The following CDH10 variants were observed in gnomAD, a reference collection of about 807,000 sequenced individuals.
The protein encoded by CDH10 is cadherin-10.
In CDH10, 30 loss-of-function variants were observed where a neutral mutation model predicts 73.1. The observed-to-expected ratio is 0.41, with a 90% CI of 0.31 to 0.56. The LOEUF (loss-of-function observed/expected upper bound fraction) is 0.56, where lower values mean the gene tolerates loss of function less well. Among genes scored for constraint, CDH10 ranks in the 20% least tolerant of loss-of-function variants. The pLI is 0.27. For synonymous variants in CDH10, 345 were observed against 348.2 expected, an observed-to-expected ratio of 0.99 and a Z score of 0.10; for missense variants, 815 against 973.7, an observed-to-expected ratio of 0.84 and a Z score of 2.17.
intron 2 of CDH10, among the ~76,000 whole-genome samples, chr5:24,581,479 G>T (rs1314617460): frequency 2.6e-5 from 4 of 152,046 alleles, no homozygotes; most frequent in African/African-American, 9.7e-5. Context: ...ACAACTATAA[G>T]AATAATATGT....
At chr5:24,569,543 A>G (rs939925863) in intron 2 of CDH10, among the ~76,000 whole-genome samples, 12 of 152,180 alleles carry the variant, frequency 7.9e-5, no homozygotes, top group Non-Finnish European at 1.2e-4. Flanking sequence ...TTTTGAAAAT[A>G]ATTTTCATAA....
chr5:24,639,361 A>C (rs1485757019), intron 1 of CDH10, among the ~76,000 whole-genome samples: 3 of 151,714 alleles, frequency 2.0e-5, no homozygotes, highest in South Asian at 2.1e-4. Context: ...AATATTATGT[A>C]CAAAATTTAC....
chr5:24,551,861 G>T (rs1744558366), intron 2 of CDH10, among the ~76,000 whole-genome samples: 3 of 151,950 alleles, frequency 2.0e-5, no homozygotes, highest in Non-Finnish European at 4.4e-5. Context: ...AACTATTACT[G>T]ATATCTATCC....
chr5:24,555,643 A>G (rs1744738855), intron 2 of CDH10, among the ~76,000 whole-genome samples: 2 of 152,112 alleles, frequency 1.3e-5, no homozygotes, highest in African/African-American at 2.4e-5. Flanking sequence ...AGCTTAATCT[A>G]TTTACCTGGA....
chr5:24,516,726 TC>T (rs1262424390), intron 5 of CDH10, among the ~76,000 whole-genome samples: 3 of 151,970 alleles, frequency 2.0e-5, no homozygotes, highest in Non-Finnish European at 4.4e-5. Flanking sequence ...CAACATGTCT[TC>T]ATCATTCCTT....
At chr5:24,525,425 C>T (rs1350237962) in intron 5 of CDH10, among the ~76,000 whole-genome samples, 2 of 151,954 alleles carry the variant, frequency 1.3e-5, no homozygotes, top group Non-Finnish European at 2.9e-5. Flanking sequence ...CGCTATGCTG[C>T]ACGATAATCT....
intron 1 of CDH10, among the ~76,000 whole-genome samples, chr5:24,640,411 A>G (rs1373687845): frequency 2.0e-5 from 3 of 151,798 alleles, no homozygotes; most frequent in African/African-American, 7.2e-5. Context: ...CCTGTTGTGA[A>G]GCAATGTTGT....
At chr5:24,619,440 G>T (rs780121794) in intron 1 of CDH10, among the ~76,000 whole-genome samples, 9 of 151,984 alleles carry the variant, frequency 5.9e-5, no homozygotes, top group Non-Finnish European at 1.0e-4. Flanking sequence ...TGATCTGCCC[G>T]CCTCGGCCTC....
chr5:24,582,502 C>T (rs562037492), intron 2 of CDH10, among the ~76,000 whole-genome samples: 3 of 152,160 alleles, frequency 2.0e-5, no homozygotes, highest in East Asian at 3.9e-4. Flanking sequence ...TATTAATACA[C>T]CACAAAGAGG....
intron 2 of CDH10, among the ~76,000 whole-genome samples, chr5:24,558,815 A>G (rs1646123158): frequency 6.6e-6 from 1 of 151,874 alleles, no homozygotes; most frequent in African/African-American, 2.4e-5. Context: ...AGGACGTTTA[A>G]TCATAAAGTC....
chr5:24,509,725 T>C lies in CDH10; in HGVS notation c.1097A>G (p.Lys366Arg). Residue 366 changes from lysine (K) to arginine (R), a missense_variant, in exon 7 of 12, where the codon AAA (lysine) becomes AGA (arginine). Lys to Arg is a conservative substitution (Grantham distance 26). Coordinates refer to ENST00000264463, the MANE Select transcript of CDH10 (RefSeq NM_006727.5). ...DPRFYYLGPF[K>R]DTTIVKISIE... ...AGAGATTTTCACTATGGTAGTATCT[T>C]TAAATGGTCCTAGGTAATAAAAACG... 1 of 1,613,390 alleles carries C rather than the reference T, an allele frequency of 6.2e-7. No individual in the cohort carries two copies. Among genetic ancestry groups the C allele is most frequent in the South Asian group, 1.1e-5 (1 of 91,044 alleles).
In CDH10 at chr5:24,617,480, T is replaced by C. The variant is rs1245288354; in HGVS notation, c.-123-23867A>G. ...ACTGATCATTAGTAAAATTTGCTGA[T>C]AAAATTAGTTGACTATTTGAAAAAG... is the stretch of plus-strand genomic sequence containing the variant. On this transcript the variant is annotated intron_variant, in intron 1 of 11. Coordinates refer to ENST00000264463, the MANE Select transcript of CDH10 (RefSeq NM_006727.5). Among the ~76,000 whole-genome samples, 4 of 152,200 alleles carry C rather than the reference T, an allele frequency of 2.6e-5. No homozygotes were observed. The East Asian group carries it at 7.7e-4, about 29-fold the overall frequency.
chr5:24,626,057 T>G (rs1747486662), intron 1 of CDH10, among the ~76,000 whole-genome samples: 1 of 152,232 alleles, frequency 6.6e-6, no homozygotes, highest in Admixed American at 6.5e-5. Context: ...CATATAAACA[T>G]TTGTGCTTAT....
In CDH10 at chr5:24,492,827, C is replaced by G. The variant is rs139683292; in HGVS notation, c.1614G>C (p.Gln538His). 9.5e-5 allele frequency: 136 copies of G among 1,433,112 alleles called. No individual in the cohort carries two copies. Among genetic ancestry groups the G allele is most frequent in the Non-Finnish European group, 1.3e-4 (127 of 1,015,720 alleles). 88.8% of individuals were successfully genotyped at this position (1,433,112 alleles called of 1,614,324 possible). A position where few individuals can be genotyped will look rare whatever the true frequency, so the allele number is the denominator to read the frequency against. ...LAAVNPNFTV[Q>H]DNEDNTARIL... Reference sequence around the variant, plus strand: ...AGTTCTAAAATTTACCTTCATTATCCTGTACTGTGAAGTTTGGATTGACAG... The same window carrying G: ...AGTTCTAAAATTTACCTTCATTATCGTGTACTGTGAAGTTTGGATTGACAG... Residue 538 changes from glutamine to histidine, a missense_variant, in exon 10 of 12, where the codon CAG becomes CAC. By Grantham distance (24) the Gln-to-His change is conservative. This residue lies in a region of CDH10 where 516 missense variants were observed against 636.6 expected (regional missense o/e 0.81). Coordinates refer to ENST00000264463, the MANE Select transcript of CDH10 (RefSeq NM_006727.5).
chr5:24,624,722 T>C (rs1322977536), intron 1 of CDH10, among the ~76,000 whole-genome samples: 3 of 152,170 alleles, frequency 2.0e-5, no homozygotes, highest in Non-Finnish European at 4.4e-5. Flanking sequence ...AGGCATATGT[T>C]GAAGGTCCCT....
At chr5:24,576,984 G>A (rs1322043588) in intron 2 of CDH10, among the ~76,000 whole-genome samples, 1 of 145,736 alleles carries the variant, frequency 6.9e-6, no homozygotes, top group African/African-American at 2.6e-5. Flanking sequence ...CACAACCACA[G>A]TCTGTCCATT....
intron 1 of CDH10, among the ~76,000 whole-genome samples, chr5:24,617,557 A>C (rs1443519868): frequency 6.6e-6 from 1 of 152,206 alleles, no homozygotes; most frequent in African/African-American, 2.4e-5. Context: ...AATGACTTTA[A>C]GAGCAAATGT....
chr5:24,627,996 TG>T (rs1240777754), intron 1 of CDH10, among the ~76,000 whole-genome samples: 1 of 152,112 alleles, frequency 6.6e-6, no homozygotes, highest in African/African-American at 2.4e-5. Flanking sequence ...TATGGCATCG[TG>T]GTAATAACAC....
intron 7 of CDH10, among the ~76,000 whole-genome samples, chr5:24,506,844 C>A (rs1328352318): frequency 6.6e-6 from 1 of 152,190 alleles, no homozygotes; most frequent in Non-Finnish European, 1.5e-5. Flanking sequence ...TGCTGTCATG[C>A]ATCACTGATT....
Sources: gnomAD v4.1 joint callset for allele counts (sites outside exome capture counted in the v4.1 genomes callset) on GRCh38, gnomAD v4.1.1 for gene constraint, gnomAD v4.1.1 regional missense constraint, MANE v1.5 for transcripts, NCBI Gene and HGNC (gene_info 2026-07-23, HGNC 2026-07-21) for gene names.